IGSF10: variants seen among roughly 807,000 people sequenced by gnomAD.
IGSF10 encodes the protein calvaria mechanical force protein 608.
Under a neutral mutation model 128.2 loss-of-function variants are expected in IGSF10, and 126 were observed. That is an observed-to-expected ratio of 0.98 (90% CI 0.85 to 1.14). The LOEUF (loss-of-function observed/expected upper bound fraction) is 1.14. IGSF10 is among the 50% of genes most tolerant of loss of function. The pLI, the probability that IGSF10 is intolerant of heterozygous loss-of-function variation, is 0.00. For missense variants in IGSF10, 3,295 were observed against 3,149.8 expected (o/e 1.05, Z -1.10); for synonymous variants, 1,185 against 1,146.2 (o/e 1.03, Z -0.68).
chr3:151,464,503 A>G (rs1442785679), upstream of IGSF10, among the ~76,000 whole-genome samples: 1 of 51,708 alleles, frequency 1.9e-5, no homozygotes, highest in Non-Finnish European at 3.5e-5. Context: ...CCTCCTAATC[A>G]GAGTATTTAT....
the IGSF10 span, among the ~76,000 whole-genome samples, chr3:151,504,492 T>C: frequency 8.5e-5 from 13 of 152,196 alleles, no homozygotes; most frequent in Non-Finnish European, 1.5e-4. Context: ...AATCCCATCA[T>C]GAAAATCAAT....
chr3:151,447,822 T>C lies in IGSF10; in HGVS notation c.2159A>G (p.Asn720Ser), dbSNP rs147277070. ...TCGCTGGAGTGTTAATTCCCGATAG[T>C]TGTGCCTCTTACTTGTGCTTGAGGT... ...KHTSSTSKRHNYRELTLQRRG... is the reference protein window; with the variant it reads ...KHTSSTSKRHSYRELTLQRRG... The change falls in exon 6 of 8, where the codon AAC becomes AGC. Residue 720 changes from asparagine (N) to serine (S), a missense_variant. By Grantham distance (46) the Asn-to-Ser change is conservative. Transcript: ENST00000282466. The C allele has an allele frequency of 7.7e-5, 124 of 1,614,088 alleles. No individual in the cohort carries two copies. The African/African-American group carries it at 8.4e-4, about 11-fold the overall frequency.
the IGSF10 span, among the ~76,000 whole-genome samples, chr3:151,543,906 G>C: frequency 1.3e-5 from 2 of 152,124 alleles, no homozygotes; most frequent in African/African-American, 4.8e-5. Flanking sequence ...AAACAGATCT[G>C]TCAAATGTCT....
chr3:151,616,505 A>G, the IGSF10 span, among the ~76,000 whole-genome samples: 1 of 152,232 alleles, frequency 6.6e-6, no homozygotes, highest in African/African-American at 2.4e-5. Context: ...GAATTCTTTC[A>G]TAGAAAACAC....
intron 3 of IGSF10, among the ~76,000 whole-genome samples, chr3:151,457,387 C>G (rs1484834113): frequency 1.3e-5 from 2 of 152,168 alleles, no homozygotes; most frequent in African/African-American, 4.8e-5. Flanking sequence ...GGGAACTTGT[C>G]ACATTTCTTA....
At chr3:151,615,152 C>A in the IGSF10 span, among the ~76,000 whole-genome samples, 1 of 150,344 alleles carries the variant, frequency 6.7e-6, no homozygotes, top group Non-Finnish European at 1.5e-5. Flanking sequence ...AATGTTCTAC[C>A]CTCTAATGTT....
At chr3:151,529,062 C>T in the IGSF10 span, among the ~76,000 whole-genome samples, 4 of 152,104 alleles carry the variant, frequency 2.6e-5, no homozygotes, top group Non-Finnish European at 5.9e-5. Flanking sequence ...CAATTTTACC[C>T]TCACAGTGTA....
the IGSF10 span, among the ~76,000 whole-genome samples, chr3:151,616,886 T>C: frequency 6.6e-6 from 1 of 152,128 alleles, no homozygotes; most frequent in Non-Finnish European, 1.5e-5. Context: ...AAGTTCAAGG[T>C]TGAGGGGTGG....
At chr3:151,567,976 T>C in the IGSF10 span, among the ~76,000 whole-genome samples, 4 of 152,166 alleles carry the variant, frequency 2.6e-5, no homozygotes, top group Non-Finnish European at 5.9e-5. Context: ...CGTCTTACTA[T>C]AAGTGATCAA....
the IGSF10 span, among the ~76,000 whole-genome samples, chr3:151,514,827 C>G: frequency 2.0e-5 from 3 of 152,182 alleles, no homozygotes; most frequent in African/African-American, 7.2e-5. Context: ...AGACACTTCT[C>G]AAAAGAAGAC....
chr3:151,553,610 CTG>C, the IGSF10 span, among the ~76,000 whole-genome samples: 1 of 148,936 alleles, frequency 6.7e-6, no homozygotes. Flanking sequence ...CTCTCTCTCT[CTG>C]TGTCTCTGTC....
In IGSF10 at chr3:151,436,963, C is replaced by A; in HGVS notation, c.7598G>T (p.Arg2533Leu). ...IVAYPPRITN[R>L]PPRSIVTRTG... ...CCTGGTGACAATACTCCTGGGTGGA[C>A]GATTTGTAATTCGGGGAGGGTAGGC... Residue 2533 changes from arginine to leucine, a missense_variant, in exon 8 of 8, where the codon CGT becomes CTT. Physicochemically the swap from Arg to Leu is moderately radical, Grantham distance 102 (BLOSUM62 -2). Coordinates refer to ENST00000282466, the MANE Select transcript of IGSF10 (RefSeq NM_178822.5). 6.2e-7 allele frequency: 1 copy of A among 1,614,106 alleles called. No homozygotes were observed. The highest frequency in any genetic ancestry group is 8.5e-7 in the Non-Finnish European group (1 of 1,180,002).
chr3:151,573,883 T>A, the IGSF10 span, among the ~76,000 whole-genome samples: 1 of 152,238 alleles, frequency 6.6e-6, no homozygotes, highest in Non-Finnish European at 1.5e-5. Flanking sequence ...TTCCTTTCCA[T>A]GTTTAGTGCT....
At chr3:151,612,861 C>A in the IGSF10 span, among the ~76,000 whole-genome samples, 3 of 152,126 alleles carry the variant, frequency 2.0e-5, no homozygotes, top group African/African-American at 7.2e-5. Flanking sequence ...AAGCTCAACA[C>A]AACTGATCAT....
At chr3:151,609,851 G>A in the IGSF10 span, among the ~76,000 whole-genome samples, 2 of 152,122 alleles carry the variant, frequency 1.3e-5, no homozygotes, top group African/African-American at 4.8e-5. Flanking sequence ...GGGAGAGAGA[G>A]AGGGAGCAGG....
At chr3:151,526,668 T>C in the IGSF10 span, among the ~76,000 whole-genome samples, 9 of 152,314 alleles carry the variant, frequency 5.9e-5, no homozygotes, top group African/African-American at 1.9e-4. Context: ...TAAATTTCTT[T>C]CCTTGATGTT....
chr3:151,531,345 T>G, the IGSF10 span, among the ~76,000 whole-genome samples: 1 of 152,184 alleles, frequency 6.6e-6, no homozygotes, highest in Non-Finnish European at 1.5e-5. Flanking sequence ...CTAATAGACA[T>G]CTACAGAACT....
At chr3:151,543,290 G>A in the IGSF10 span, among the ~76,000 whole-genome samples, 1 of 152,146 alleles carries the variant, frequency 6.6e-6, no homozygotes, top group Non-Finnish European at 1.5e-5. Context: ...GCCATAGGCA[G>A]GTGAAATGCA....
chr3:151,597,455 C>T, the IGSF10 span, among the ~76,000 whole-genome samples: 1 of 152,216 alleles, frequency 6.6e-6, no homozygotes, highest in Admixed American at 6.5e-5. Context: ...GGAAGAAGAA[C>T]ATCCCTGGCA....
Sources: allele counts gnomAD v4.1 joint callset (sites outside exome capture counted in the v4.1 genomes callset), GRCh38; gene constraint gnomAD v4.1.1; transcripts MANE v1.5; gene names NCBI Gene and HGNC (gene_info 2026-07-23, HGNC 2026-07-21).